The following BCL11A variants were observed in gnomAD, a reference collection of about 807,000 sequenced individuals.
BCL11A encodes the protein BCL11 transcription factor A.
A neutral mutation model predicts 55.9 loss-of-function variants in BCL11A; 2 were observed. That is an observed-to-expected ratio of 0.04 (90% CI 0.01 to 0.11). BCL11A has a LOEUF of 0.11. BCL11A is among the 10% of genes least tolerant of loss of function. The pLI is 1.00. For missense variants in BCL11A, 817 were observed against 1,137.1 expected (o/e 0.72, Z 4.05); for synonymous variants, 465 against 473.4 (o/e 0.98, Z 0.23).
rs1262109790 is a variant in BCL11A at position 60,553,296 on chromosome 2, G to T, written c.-26C>A. The T allele has an allele frequency of 1.3e-6, 2 of 1,532,510 alleles. No individual in the cohort carries two copies. Among genetic ancestry groups the T allele is most frequent in the African/African-American group, 1.4e-5 (1 of 70,872 alleles). 94.9% of individuals were successfully genotyped at this position (1,532,510 alleles called of 1,614,324 possible). A position where few individuals can be genotyped will look rare whatever the true frequency, so the allele number is the denominator to read the frequency against. On this transcript the variant is annotated 5_prime_UTR_variant, in exon 1 of 4. Coordinates refer to ENST00000642384, the MANE Select transcript of BCL11A (RefSeq NM_022893.4). ...GGTGGGCTGCGGGGCGGGCGGCGGCGGCGGCGGCGGCGGCGGCGGGCGGAC... is the reference window on the plus strand; with the variant it reads ...GGTGGGCTGCGGGGCGGGCGGCGGCTGCGGCGGCGGCGGCGGCGGGCGGAC...
At chr2:60,500,532 G>A (rs1679222314) in intron 2 of BCL11A, among the ~76,000 whole-genome samples, 1 of 152,302 alleles carries the variant, frequency 6.6e-6, no homozygotes, top group Non-Finnish European at 1.5e-5. Flanking sequence ...AAAAATGGCA[G>A]AAGAATGGAA....
In BCL11A at chr2:60,462,161, C is replaced by T. The variant is rs1273812671; in HGVS notation, c.751G>A (p.Ala251Thr). The change falls in exon 4 of 4, where the codon GCT (alanine) becomes ACT (threonine). Residue 251 changes from alanine to threonine, a missense_variant. Physicochemically the swap from Ala to Thr is moderately conservative, Grantham distance 58. Coordinates refer to ENST00000642384, the MANE Select transcript of BCL11A (RefSeq NM_022893.4). Reference sequence around the variant, plus strand: ...AAGCGCCCTTCTGCCAGGCCGGAAGCCTCTCTCGATACTGATCCTGGTATT... The same window carrying T: ...AAGCGCCCTTCTGCCAGGCCGGAAGTCTCTCTCGATACTGATCCTGGTATT... ...LRIPGSVSREASGLAEGRFPP... is the reference protein window; with the variant it reads ...LRIPGSVSRETSGLAEGRFPP... 6.4e-7 allele frequency: 1 copy of T among 1,572,092 alleles called. No individual in the cohort carries two copies. The highest frequency in any genetic ancestry group is 8.6e-7 in the Non-Finnish European group (1 of 1,159,820).
At chr2:60,495,138 T>A (rs958679859) in intron 2 of BCL11A, among the ~76,000 whole-genome samples, 1 of 152,184 alleles carries the variant, frequency 6.6e-6, no homozygotes, top group Non-Finnish European at 1.5e-5. Flanking sequence ...CAATTCTCCA[T>A]CACCAAGAGA....
intron 3 of BCL11A, among the ~76,000 whole-genome samples, chr2:60,467,260 G>A (rs1676744539): frequency 2.7e-5 from 3 of 112,318 alleles, no homozygotes; most frequent in South Asian, 3.3e-4. Flanking sequence ...TAATGGTGGT[G>A]GTGGTGATGG....
chr2:60,460,668 C>T lies in BCL11A; in HGVS notation c.2244G>A (p.Gly748=). 6.2e-7 allele frequency: 1 copy of T among 1,614,148 alleles called. No homozygotes were observed. Among genetic ancestry groups the T allele is most frequent in the East Asian group, 2.2e-5 (1 of 44,880 alleles). ...GRRSDTCEYC[G]KVFKNCSNLT... ...GATTGCTACAGTTCTTGAAGACTTTCCCACAGTACTCACAAGTGTCGCTGC... is the reference window on the plus strand; with the variant it reads ...GATTGCTACAGTTCTTGAAGACTTTTCCACAGTACTCACAAGTGTCGCTGC... Residue 748 remains glycine (G), a synonymous_variant, in exon 4 of 4, where the codon GGG becomes GGA. Transcript: ENST00000642384.
At chr2:60,467,111 G>GTGGTGGTGGTGGTGGTGA (rs1265947762) in intron 3 of BCL11A, among the ~76,000 whole-genome samples, 5 of 136,318 alleles carry the variant, frequency 3.7e-5, no homozygotes, top group Admixed American at 2.2e-4. Flanking sequence ...GGTGGTGGTA[G>GTGGTGGTGGTGGTGGTGA]TGGTGGTGGT....
At chr2:60,488,697 G>T (rs1678432694) in intron 2 of BCL11A, among the ~76,000 whole-genome samples, 1 of 152,194 alleles carries the variant, frequency 6.6e-6, no homozygotes, top group Admixed American at 6.5e-5. Context: ...AATAGCCAAA[G>T]ATCCAAAAAC....
intron 2 of BCL11A, among the ~76,000 whole-genome samples, chr2:60,482,356 G>A (rs532058284): frequency 1.3e-4 from 20 of 152,104 alleles, no homozygotes; most frequent in Admixed American, 4.6e-4. Flanking sequence ...GAGAATATCC[G>A]GAACTGGAGA....
intron 2 of BCL11A, chr2:60,544,888 T>C (rs1263281826): frequency 6.6e-6 from 1 of 152,242 alleles, no homozygotes; most frequent in African/African-American, 2.4e-5. Flanking sequence ...ATAGTGTTAC[T>C]GTTTATCACT....
chr2:60,475,155 T>A (rs1677506990), intron 2 of BCL11A, among the ~76,000 whole-genome samples: 1 of 152,216 alleles, frequency 6.6e-6, no homozygotes. Context: ...TACATTCACA[T>A]CAAAATATTG....
chr2:60,458,976 C>T lies in BCL11A; in HGVS notation c.*1428G>A. The T allele has an allele frequency of 1.9e-6, 2 of 1,032,740 alleles. No homozygotes were observed. Among genetic ancestry groups the T allele is most frequent in the Non-Finnish European group, 1.2e-6 (1 of 857,654 alleles). 64.0% of individuals were successfully genotyped at this position (1,032,740 alleles called of 1,614,324 possible). On this transcript the variant is annotated 3_prime_UTR_variant, in exon 4 of 4. Coordinates refer to ENST00000642384, the MANE Select transcript of BCL11A (RefSeq NM_022893.4). ...CTTTTAGGGAGCACAGACATATATA[C>T]TGCTACTCTTAAAATTCTTTCTCTT...
At position 60,459,316 on chromosome 2, in the gene BCL11A, G is replaced by A. The variant is rs973667496; in HGVS notation, c.*1088C>T. 4.9e-6 allele frequency: 5 copies of A among 1,016,120 alleles called. No individual in the cohort carries two copies. In the African/African-American group the frequency reaches 8.6e-5, roughly 17 times the overall value. 62.9% of individuals were successfully genotyped at this position (1,016,120 alleles called of 1,614,324 possible). On this transcript the variant is annotated 3_prime_UTR_variant, in exon 4 of 4. Transcript: ENST00000642384. ...ATTAAAGCAAATATCTTCATAAAAT[G>A]AACTCCTTACTAGTGTATTTAATTG...
rs562861397 is a variant in BCL11A at position 60,540,437 on chromosome 2, G to A, written c.385+5534C>T. ...TAACATCCAGTGACGCAATCTTGGT[G>A]CATCTCCCTAGCTGTGCTTTCTACT... On this transcript the variant is annotated intron_variant, in intron 2 of 3. Coordinates refer to ENST00000642384, the MANE Select transcript of BCL11A (RefSeq NM_022893.4). 2.0e-5 allele frequency among the ~76,000 whole-genome samples: 3 copies of A among 152,286 alleles called. No individual in the cohort carries two copies. The South Asian group carries it at 6.2e-4, about 32-fold the overall frequency.
intron 2 of BCL11A, among the ~76,000 whole-genome samples, chr2:60,515,198 A>G (rs1415148216): frequency 6.6e-6 from 1 of 152,212 alleles, no homozygotes; most frequent in Non-Finnish European, 1.5e-5. Flanking sequence ...GAAAGCCACA[A>G]AGACACCACC....
chr2:60,468,104 A>ATGGTACTGGTGGTGATGGTGG (rs1676985195), intron 3 of BCL11A, among the ~76,000 whole-genome samples: 9 of 37,102 alleles, frequency 2.4e-4, no homozygotes, highest in East Asian at 1.5e-3. Context: ...GGTGGTGGTG[A>ATGGTACTGGTGGTGATGGTGG]TGGTGGCAGT....
chr2:60,459,948 C>T lies in BCL11A; in HGVS notation c.*456G>A, dbSNP rs993069715. On this transcript the variant is annotated 3_prime_UTR_variant, in exon 4 of 4. Coordinates refer to ENST00000642384, the MANE Select transcript of BCL11A (RefSeq NM_022893.4). Reference sequence around the variant, plus strand: ...GCATGGTCTTTTTCTCTCTCTCTCTCTTTTTCTCTCAGAACGGAACTGGAA... The same window carrying T: ...GCATGGTCTTTTTCTCTCTCTCTCTTTTTTTCTCTCAGAACGGAACTGGAA... The T allele has an allele frequency of 1.9e-6, 2 of 1,060,500 alleles. No homozygotes were observed. The highest frequency in any genetic ancestry group is 2.3e-6 in the Non-Finnish European group (2 of 876,186). The allele number at this position is 1,060,500 out of a possible 1,614,324, so 65.7% of individuals were successfully genotyped here.
At chr2:60,491,501 C>T (rs1045294110) in intron 2 of BCL11A, among the ~76,000 whole-genome samples, 26 of 152,010 alleles carry the variant, frequency 1.7e-4, no homozygotes, top group Non-Finnish European at 2.5e-4. Flanking sequence ...AGTGAAACCC[C>T]GTCTCTACTA....
Position 60,458,080 on chromosome 2 carries a change from G to A in BCL11A, c.*2324C>T. 2 of 1,028,706 alleles carry A rather than the reference G, an allele frequency of 1.9e-6. No individual in the cohort carries two copies. Among genetic ancestry groups the A allele is most frequent in the Non-Finnish European group, 2.3e-6 (2 of 857,298 alleles). 63.7% of individuals were successfully genotyped at this position (1,028,706 alleles called of 1,614,324 possible). A position where few individuals can be genotyped will look rare whatever the true frequency, so the allele number is the denominator to read the frequency against. Reference sequence around the variant, plus strand: ...AAAGGTACATTGATACCTTTTAAGAGAACAAGCAACAGTTAAAAATACAAG... The same window carrying A: ...AAAGGTACATTGATACCTTTTAAGAAAACAAGCAACAGTTAAAAATACAAG... On this transcript the variant is annotated 3_prime_UTR_variant, in exon 4 of 4. Coordinates refer to ENST00000642384, the MANE Select transcript of BCL11A (RefSeq NM_022893.4).
chr2:60,498,641 G>A (rs1215656890), intron 2 of BCL11A, among the ~76,000 whole-genome samples: 1 of 152,216 alleles, frequency 6.6e-6, no homozygotes, highest in African/African-American at 2.4e-5. Flanking sequence ...GCAGAGCTGA[G>A]CAGAGGTGAT....
Sources: gnomAD v4.1 joint callset for allele counts (sites outside exome capture counted in the v4.1 genomes callset) on GRCh38, gnomAD v4.1.1 for gene constraint, MANE v1.5 for transcripts, NCBI Gene and HGNC (gene_info 2026-07-23, HGNC 2026-07-21) for gene names.